The following MAP2K4 variants were observed in gnomAD, a reference collection of about 807,000 sequenced individuals.
MAP2K4 encodes the protein mitogen-activated protein kinase kinase 4, also known as dual specificity mitogen-activated protein kinase kinase 4.
In MAP2K4, 4 loss-of-function variants were observed where a neutral mutation model predicts 48.5. The observed-to-expected ratio is 0.08, with a 90% confidence interval of 0.04 to 0.19. The LOEUF (loss-of-function observed/expected upper bound fraction) is 0.19. MAP2K4 is among the 10% of genes least tolerant of loss of function. MAP2K4 has a pLI of 1.00. For synonymous variants in MAP2K4, 166 were observed against 173.1 expected (o/e 0.96, Z 0.32); for missense variants, 258 against 493.3 (o/e 0.52, Z 4.52).
At chr17:12,097,068 A>G (rs1597463571) in intron 4 of MAP2K4, among the ~76,000 whole-genome samples, 1 of 152,200 alleles carries the variant, frequency 6.6e-6, no homozygotes, top group Admixed American at 6.5e-5. Context: ...TCTTGGACCT[A>G]AATATTATGT....
intron 4 of MAP2K4, among the ~76,000 whole-genome samples, chr17:12,102,591 G>T (rs866284224): frequency 6.6e-6 from 1 of 152,014 alleles, no homozygotes; most frequent in African/African-American, 2.4e-5. Flanking sequence ...AATTTATATA[G>T]AATTGGTATT....
intron 1 of MAP2K4, among the ~76,000 whole-genome samples, chr17:12,026,285 A>G (rs1969248493): frequency 6.6e-6 from 1 of 151,856 alleles, no homozygotes; most frequent in Non-Finnish European, 1.5e-5. Context: ...TTCTTCTTTC[A>G]CTAATTTGAG....
At chr17:12,131,954 G>A (rs1973041089) in intron 9 of MAP2K4, among the ~76,000 whole-genome samples, 1 of 152,142 alleles carries the variant, frequency 6.6e-6, no homozygotes, top group Admixed American at 6.5e-5. Context: ...ATATTCAAGA[G>A]GCCAGTAAAC....
intron 9 of MAP2K4, among the ~76,000 whole-genome samples, chr17:12,132,299 A>G (rs1973053581): frequency 6.6e-6 from 1 of 152,226 alleles, no homozygotes; most frequent in Non-Finnish European, 1.5e-5. Flanking sequence ...GAATGTCCGG[A>G]AAAGCACATT....
chr17:12,062,066 C>A (rs191518189), intron 2 of MAP2K4, among the ~76,000 whole-genome samples: 1,821 of 147,634 alleles, frequency 0.012, 16 homozygotes, highest in Non-Finnish European at 0.017. Context: ...CTCTCCCCCC[C>A]CTTTTTTTCT....
At chr17:12,076,537 CAA>C (rs570079564) in intron 2 of MAP2K4, among the ~76,000 whole-genome samples, 9 of 152,150 alleles carry the variant, frequency 5.9e-5, no homozygotes, top group Non-Finnish European at 1.0e-4. Context: ...TTTAATCTAA[CAA>C]GATAAATCTC....
intron 2 of MAP2K4, among the ~76,000 whole-genome samples, chr17:12,077,032 T>G (rs1971034868): frequency 6.6e-6 from 1 of 152,178 alleles, no homozygotes; most frequent in Non-Finnish European, 1.5e-5. Context: ...GCAGGATGCT[T>G]TACTGAATTG....
chr17:12,108,819 C>T (rs1015701428), intron 5 of MAP2K4, among the ~76,000 whole-genome samples: 3 of 151,742 alleles, frequency 2.0e-5, no homozygotes, highest in Non-Finnish European at 4.4e-5. Context: ...TTTATGAAAT[C>T]ATTTTATTTT....
Position 12,081,850 on chromosome 17 carries a change from G to T in MAP2K4, c.393+320G>T. The T allele has an allele frequency of 1.9e-6, 1 of 532,854 alleles. No homozygotes were observed. 33.0% of individuals were successfully genotyped at this position (532,854 alleles called of 1,614,324 possible). A position where few individuals can be genotyped will look rare whatever the true frequency, so the allele number is the denominator to read the frequency against. ...CGGCTGCACCCCTGGGAGCAGGGCAGTGCTGCACTGAGCCAGGCGGGAGCT... is the reference window on the plus strand; with the variant it reads ...CGGCTGCACCCCTGGGAGCAGGGCATTGCTGCACTGAGCCAGGCGGGAGCT... On this transcript the variant is annotated intron_variant, in intron 3 of 10. Transcript: ENST00000353533. This position sits in a 1 kb window ranked among gnomAD's most constrained non-coding sequence, Gnocchi z 4.2.
chr17:12,097,263 G>A (rs2151563772), intron 4 of MAP2K4, among the ~76,000 whole-genome samples: 1 of 152,216 alleles, frequency 6.6e-6, no homozygotes, highest in Admixed American at 6.5e-5. Flanking sequence ...AGATTCTGTG[G>A]TCAACTTTTT....
intron 2 of MAP2K4, among the ~76,000 whole-genome samples, chr17:12,075,276 A>G (rs918823702): frequency 6.6e-6 from 1 of 152,242 alleles, no homozygotes; most frequent in Non-Finnish European, 1.5e-5. Flanking sequence ...AGGAAAAGAC[A>G]TAACTAGGGA....
rs118094123 is a variant in MAP2K4 at position 12,073,493 on chromosome 17, A to T, written c.219-7863A>T. On this transcript the variant is annotated intron_variant, in intron 2 of 10. Transcript: ENST00000353533. ...AGCAGTGAGTGCTCTGATTTGTAAT[A>T]TACTAAGCCTTAGATATCTCAAATC... 2.0e-4 allele frequency among the ~76,000 whole-genome samples: 31 copies of T among 152,354 alleles called. No homozygotes were observed. In the East Asian group the frequency reaches 3.9e-3, roughly 19 times the overall value.
At chr17:12,049,751 C>T (rs1970074838) in intron 1 of MAP2K4, among the ~76,000 whole-genome samples, 2 of 152,180 alleles carry the variant, frequency 1.3e-5, no homozygotes, top group African/African-American at 2.4e-5. Flanking sequence ...AATCAAGCCC[C>T]AAGGCCAGCC....
intron 7 of MAP2K4, among the ~76,000 whole-genome samples, chr17:12,118,172 G>T (rs531517809): frequency 1.3e-5 from 2 of 152,066 alleles, no homozygotes; most frequent in African/African-American, 2.4e-5. Context: ...TGATGAATTC[G>T]CCAGGGTTAT....
intron 7 of MAP2K4, among the ~76,000 whole-genome samples, chr17:12,118,682 A>T (rs1183296364): frequency 6.6e-6 from 1 of 152,218 alleles, no homozygotes; most frequent in Admixed American, 6.5e-5. Context: ...TAGATCAGTG[A>T]AGGGTAAATA....
intron 2 of MAP2K4, among the ~76,000 whole-genome samples, chr17:12,055,520 G>A (rs1970258193): frequency 6.6e-6 from 1 of 152,010 alleles, no homozygotes; most frequent in Admixed American, 6.6e-5. Context: ...GCCAGTGGCT[G>A]TACTTTTATA....
chr17:12,032,319 T>C, intron 1 of MAP2K4: 4 of 1,270,652 alleles, frequency 3.1e-6, no homozygotes, highest in African/African-American at 1.5e-5. Context: ...AATTTTATGA[T>C]ATTATGCTAT....
intron 1 of MAP2K4, among the ~76,000 whole-genome samples, chr17:12,037,858 C>T (rs1275231681): frequency 6.6e-6 from 1 of 151,992 alleles, no homozygotes; most frequent in African/African-American, 2.4e-5. Flanking sequence ...ATACTTTATG[C>T]TTATACCTTA....
At chr17:12,115,982 G>C in intron 7 of MAP2K4, 1 of 394,270 alleles carries the variant, frequency 2.5e-6, no homozygotes, top group Non-Finnish European at 4.8e-6. Flanking sequence ...TTTTAAGTCT[G>C]TTTTGTGGCA....
Sources: gnomAD v4.1 joint callset for allele counts (sites outside exome capture counted in the v4.1 genomes callset) on GRCh38, gnomAD v4.1.1 for gene constraint, Gnocchi (gnomAD v3.1) non-coding constraint, MANE v1.5 for transcripts, NCBI Gene and HGNC (gene_info 2026-07-23, HGNC 2026-07-21) for gene names.